The following SMARCA4 variants were observed in gnomAD, a reference collection of about 807,000 sequenced individuals.
SMARCA4 encodes SWI/SNF related BAF chromatin remodeling complex subunit ATPase 4, also known as SWI/SNF-related matrix-associated actin-dependent regulator of chromatin subfamily A member 4.
In SMARCA4, 31 loss-of-function variants were observed where a neutral mutation model predicts 193.9. The observed-to-expected ratio is 0.16, with a 90% CI of 0.12 to 0.22. SMARCA4 has a LOEUF of 0.22. Among genes scored for constraint, SMARCA4 ranks in the 10% least tolerant of loss-of-function variants. SMARCA4 has a pLI of 1.00. For missense variants in SMARCA4, 1,148 were observed against 2,296.0 expected, an observed-to-expected ratio of 0.50 and a Z score of 10.22; for synonymous variants, 942 against 933.1, an observed-to-expected ratio of 1.01 and a Z score of -0.17.
chr19:11,036,283 C>T (rs972157143), intron 29 of SMARCA4, among the ~76,000 whole-genome samples: 1 of 152,174 alleles, frequency 6.6e-6, no homozygotes, highest in Non-Finnish European at 1.5e-5. Flanking sequence ...TGTCACCGGC[C>T]CTGCATTTTT....
Position 11,039,449 on chromosome 19 carries a change from T to C in SMARCA4, c.4171-1858T>C, listed in dbSNP as rs201309716. 6.3e-7 allele frequency: 1 copy of C among 1,578,670 alleles called. No individual in the cohort carries two copies. Among genetic ancestry groups the C allele is most frequent in the Non-Finnish European group, 8.6e-7 (1 of 1,158,978 alleles). ...AACACTAAACAGACATTAAAAAATT[T>C]TGTTGTAGAAAATTACAGGAAAAGA... is the stretch of plus-strand genomic sequence containing the variant. On this transcript the variant is annotated intron_variant, in intron 29 of 34. Coordinates refer to ENST00000344626, the MANE Select transcript of SMARCA4 (RefSeq NM_003072.5).
At chr19:11,051,510 G>A (rs1258274923) in intron 30 of SMARCA4, among the ~76,000 whole-genome samples, 1 of 60,940 alleles carries the variant, frequency 1.6e-5, no homozygotes. Context: ...TTTTTTTTTT[G>A]AGACAGAGTC....
chr19:10,961,963 C>G (rs1263800472), intron 1 of SMARCA4, among the ~76,000 whole-genome samples: 3 of 150,648 alleles, frequency 2.0e-5, no homozygotes, highest in Admixed American at 6.6e-5. Context: ...CTTGAAGATA[C>G]CAGTCTTGAT....
chr19:10,998,550 G>A (rs950088919), intron 11 of SMARCA4, among the ~76,000 whole-genome samples: 27 of 149,742 alleles, frequency 1.8e-4, no homozygotes, highest in African/African-American at 6.7e-4. Context: ...GATGGCTACA[G>A]GATGGTGACT....
intron 30 of SMARCA4, among the ~76,000 whole-genome samples, chr19:11,045,298 C>T (rs1192328249): frequency 6.6e-6 from 1 of 151,708 alleles, no homozygotes; most frequent in Non-Finnish European, 1.5e-5. Flanking sequence ...CCAGCCTGGG[C>T]GACAGAGCGG....
At position 11,058,357 on chromosome 19, in the gene SMARCA4, G is replaced by C. The variant is rs770463875; in HGVS notation, c.4527G>C (p.Lys1509Asn). 6.2e-7 allele frequency: 1 copy of C among 1,608,584 alleles called. No individual in the cohort carries two copies. The change falls in exon 31 of 35, where the codon AAG becomes AAC. Residue 1509 changes from lysine to asparagine, a missense_variant. Physicochemically the swap from Lys to Asn is moderately conservative, Grantham distance 94. Coordinates refer to ENST00000344626, the MANE Select transcript of SMARCA4 (RefSeq NM_003072.5). The surrounding 1 kb of genome is among the most constrained non-coding windows in gnomAD (Gnocchi z 5.8). ...ELIRKPVDFKKIKERIRNHKY... is the reference protein window; with the variant it reads ...ELIRKPVDFKNIKERIRNHKY... Reference sequence around the variant, plus strand: ...TCCGCAAGCCCGTGGACTTCAAGAAGATAAAGGTAACCCTGACGTTGTACC... The same window carrying C: ...TCCGCAAGCCCGTGGACTTCAAGAACATAAAGGTAACCCTGACGTTGTACC...
At chr19:10,964,460 A>G (rs1568386609) in intron 1 of SMARCA4, among the ~76,000 whole-genome samples, 2 of 151,554 alleles carry the variant, frequency 1.3e-5, no homozygotes, top group South Asian at 2.1e-4. Context: ...ACAGGTGTGC[A>G]CCACCACACC....
At position 10,985,550 on chromosome 19, in the gene SMARCA4, C is replaced by A; in HGVS notation, c.355+145C>A. ...TGGGTGGCCCGCCACAGAGAGCTGT[C>A]TGGCATGGCGTGGCTGGTGCTCTGT... On this transcript the variant is annotated intron_variant, in intron 3 of 34. Coordinates refer to ENST00000344626, the MANE Select transcript of SMARCA4 (RefSeq NM_003072.5). The surrounding 1 kb of genome is among the most constrained non-coding windows in gnomAD (Gnocchi z 4.5). 2.0e-6 allele frequency: 2 copies of A among 1,015,274 alleles called. No homozygotes were observed. The highest frequency in any genetic ancestry group is 3.0e-6 in the Non-Finnish European group (2 of 673,884). 62.9% of individuals were successfully genotyped at this position (1,015,274 alleles called of 1,614,324 possible). A position where few individuals can be genotyped will look rare whatever the true frequency, so the allele number is the denominator to read the frequency against.
intron 30 of SMARCA4, among the ~76,000 whole-genome samples, chr19:11,051,687 A>C (rs574670869): frequency 4.6e-5 from 7 of 151,948 alleles, no homozygotes; most frequent in African/African-American, 7.2e-5. Context: ...GATGGGGTTT[A>C]ACCACGTTGG....
rs539201656 is a variant in SMARCA4, at chr19:11,030,184, C to A, written c.3383-546C>A. 3.9e-5 allele frequency among the ~76,000 whole-genome samples: 6 copies of A among 152,282 alleles called. No individual in the cohort carries two copies. The highest frequency in any genetic ancestry group is 1.2e-4 in the African/African-American group (5 of 41,542). ...GATCCTGCCAGAAAGGACACGAGCCCCCTTTATAAGGTCTCCATGCTTTTA... is the reference window on the plus strand; with the variant it reads ...GATCCTGCCAGAAAGGACACGAGCCACCTTTATAAGGTCTCCATGCTTTTA... On this transcript the variant is annotated intron_variant, in intron 24 of 34. Transcript: ENST00000344626. The surrounding 1 kb of genome is among the most constrained non-coding windows in gnomAD (Gnocchi z 5.5).
chr19:10,995,212 AGGCCACTTAGCC>A (rs1247789231), intron 9 of SMARCA4: 2 of 678,756 alleles, frequency 2.9e-6, no homozygotes, highest in African/African-American at 3.5e-5. Context: ...GTGTGACCTC[AGGCCACTTAGCC>A]GGCTCCTCTG....
At chr19:11,021,624 C>T (rs763719598) in intron 18 of SMARCA4, 101 bp from the exon 19 acceptor site, 7 of 1,449,766 alleles carry the variant, frequency 4.8e-6, no homozygotes, top group South Asian at 2.5e-5. Context: ...CGCTCTTCCA[C>T]CTGGAGCCTT....
chr19:11,057,489 G>A (rs536962738), intron 30 of SMARCA4, among the ~76,000 whole-genome samples: 33 of 152,308 alleles, frequency 2.2e-4, no homozygotes, highest in East Asian at 5.8e-4. Context: ...CCAGCACTTC[G>A]GGAGGCCAAG....
rs2145785383 is a variant in SMARCA4 at position 10,986,563 on chromosome 19, C to T, written c.730C>T (p.Pro244Ser). ...CCCTGGCCCCGGCCCGGGTCCCGGCCCGGCACCTCCAAATTACAGCAGGCC... is the reference window on the plus strand; with the variant it reads ...CCCTGGCCCCGGCCCGGGTCCCGGCTCGGCACCTCCAAATTACAGCAGGCC... ...PGPGPGPGPG[P>S]APPNYSRPHG... The change falls in exon 4 of 35, where the codon CCG (proline) becomes TCG (serine). Residue 244 changes from proline to serine, a missense_variant. Physicochemically the swap from Pro to Ser is moderately conservative, Grantham distance 74. Coordinates refer to ENST00000344626, the MANE Select transcript of SMARCA4 (RefSeq NM_003072.5). The surrounding 1 kb of genome is among the most constrained non-coding windows in gnomAD (Gnocchi z 6.7). 1 of 1,537,716 alleles carries T rather than the reference C, an allele frequency of 6.5e-7. No individual in the cohort carries two copies. Among genetic ancestry groups the T allele is most frequent in the Non-Finnish European group, 8.7e-7 (1 of 1,146,728 alleles).
intron 30 of SMARCA4, among the ~76,000 whole-genome samples, chr19:11,050,999 A>ACCC (rs2076226422): frequency 6.6e-6 from 1 of 152,228 alleles, no homozygotes; most frequent in South Asian, 2.1e-4. Context: ...ACTTATGGGC[A>ACCC]TAGGCTGGGT....
intron 1 of SMARCA4, among the ~76,000 whole-genome samples, chr19:10,977,027 G>T (rs2085188787): frequency 6.6e-6 from 1 of 152,186 alleles, no homozygotes; most frequent in Admixed American, 6.5e-5. Context: ...ACTGCGCTAA[G>T]CCTGGGTGAC....
In SMARCA4 at chr19:10,987,920, T is replaced by C. The variant is rs140192268; in HGVS notation, c.1114T>C (p.Tyr372His). 0.014 allele frequency: 22,363 copies of C among 1,612,450 alleles called. 217 individuals carry two copies. The highest frequency in any genetic ancestry group is 0.017 in the Non-Finnish European group (19,866 of 1,179,902). ...DPVEILQERE[Y>H]RLQARIAHRI... ...TGTGGAGATCCTGCAGGAGCGCGAGTACAGGTGAGGGCGGGGCCCAGTTGC... is the reference window on the plus strand; with the variant it reads ...TGTGGAGATCCTGCAGGAGCGCGAGCACAGGTGAGGGCGGGGCCCAGTTGC... Residue 372 changes from tyrosine (Y) to histidine (H), a missense_variant, in exon 6 of 35, where the codon TAC becomes CAC. Physicochemically the swap from Tyr to His is moderately conservative, Grantham distance 83. Transcript: ENST00000344626. This position sits in a 1 kb window ranked among gnomAD's most constrained non-coding sequence, Gnocchi z 5.3.
chr19:11,018,902 C>A (rs1768091863), intron 16 of SMARCA4, 55 bp from the exon 17 acceptor site: 2 of 1,451,180 alleles, frequency 1.4e-6, no homozygotes, highest in Non-Finnish European at 1.9e-6. Context: ...TGGGTTTGCA[C>A]AGTGAGCCAT....
intron 6 of SMARCA4, 102 bp downstream of exon 6, chr19:10,988,026 G>A: frequency 8.0e-7 from 1 of 1,248,198 alleles, no homozygotes; most frequent in Non-Finnish European, 1.1e-6. Context: ...ACAGTGCCCT[G>A]TGCCCACCAC....
Sources: gnomAD v4.1 joint callset for allele counts (sites outside exome capture counted in the v4.1 genomes callset) on GRCh38, gnomAD v4.1.1 for gene constraint, Gnocchi (gnomAD v3.1) non-coding constraint, MANE v1.5 for transcripts, NCBI Gene and HGNC (gene_info 2026-07-23, HGNC 2026-07-21) for gene names.